The following ATG2A variants were observed in gnomAD, a reference collection of about 807,000 sequenced individuals.
The protein encoded by ATG2A is autophagy-related protein 2 homolog A.
A neutral mutation model predicts 214.2 loss-of-function variants in ATG2A; 103 were observed. That is an observed-to-expected ratio of 0.48 (90% CI 0.41 to 0.57). ATG2A has a LOEUF of 0.57. Among genes scored for constraint, ATG2A ranks in the 20% least tolerant of loss-of-function variants. ATG2A has a pLI of 0.00. For synonymous variants in ATG2A, 1,160 were observed against 1,142.1 expected (o/e 1.02, Z -0.32); for missense variants, 2,312 against 2,613.2 (o/e 0.88, Z 2.51).
Position 64,905,857 on chromosome 11 carries a change from G to A in ATG2A, c.3265-9C>T, listed in dbSNP as rs769714889. ...TCTAGGAACTCCAACAACTTCAGAGGCCAGGGCAGGAGGAAGCAGTGAGGA... is the reference window on the plus strand; with the variant it reads ...TCTAGGAACTCCAACAACTTCAGAGACCAGGGCAGGAGGAAGCAGTGAGGA... On this transcript the variant is annotated splice_polypyrimidine_tract_variant and intron_variant, in intron 22 of 40. Transcript: ENST00000377264. 1 of 1,611,918 alleles carries A rather than the reference G, an allele frequency of 6.2e-7. No individual in the cohort carries two copies. The highest frequency in any genetic ancestry group is 1.3e-5 in the African/African-American group (1 of 75,010).
intron 1 of ATG2A, among the ~76,000 whole-genome samples, chr11:64,916,028 A>G (rs2086557005): frequency 1.3e-5 from 2 of 152,268 alleles, no homozygotes; most frequent in African/African-American, 4.8e-5. Context: ...CCCTGAGTCC[A>G]GCCACAAAAC....
Position 64,912,009 on chromosome 11 carries a change from G to A in ATG2A, c.1088-27C>T, listed in dbSNP as rs769875448. 15 of 1,613,656 alleles carry A rather than the reference G, an allele frequency of 9.3e-6. No individual in the cohort carries two copies. The South Asian group carries it at 1.6e-4, about 18-fold the overall frequency. On this transcript the variant is annotated intron_variant, in intron 8 of 40. Coordinates refer to ENST00000377264, the MANE Select transcript of ATG2A (RefSeq NM_015104.3). Reference sequence around the variant, plus strand: ...TGTGGGTGAAGTGAGGAGTGTCAGGGACAGCCGACCCCAGCCCCTAGGCTG... The same window carrying A: ...TGTGGGTGAAGTGAGGAGTGTCAGGAACAGCCGACCCCAGCCCCTAGGCTG...
chr11:64,895,375 T>C lies in ATG2A; in HGVS notation c.5495A>G (p.Lys1832Arg), dbSNP rs1305188094. Reference protein sequence around the residue: ...AAPVSRSLQDKRSARRLRRGQ... With the variant: ...AAPVSRSLQDRRSARRLRRGQ... ...CCTGCGCAGCCTCCGCGCAGAGCGCTTATCCTGCAGGGAGCGGGAGACGGG... is the reference window on the plus strand; with the variant it reads ...CCTGCGCAGCCTCCGCGCAGAGCGCCTATCCTGCAGGGAGCGGGAGACGGG... The change falls in exon 40 of 41, where the codon AAG (lysine) becomes AGG (arginine). Residue 1832 changes from lysine to arginine, a missense_variant. Lys to Arg is a conservative substitution (Grantham distance 26). Transcript: ENST00000377264. This position sits in a 1 kb window ranked among gnomAD's most constrained non-coding sequence, Gnocchi z 5.0. 4 of 1,612,620 alleles carry C rather than the reference T, an allele frequency of 2.5e-6. No homozygotes were observed. Among genetic ancestry groups the C allele is most frequent in the East Asian group, 4.5e-5 (2 of 44,858 alleles).
At position 64,914,127 on chromosome 11, in the gene ATG2A, TG is replaced by T; in HGVS notation, c.440del (p.Pro147HisfsTer23). ...RDGLPEPSEP[P>X]QPLEGLEMFA... ...ACATCTCCAGCCCCTCCAGGGGCTGTGGTGGCTCAGAGGGCTCCGGTAGCCC... is the reference window on the plus strand; with the variant it reads ...ACATCTCCAGCCCCTCCAGGGGCTGTGTGGCTCAGAGGGCTCCGGTAGCCC... On this transcript the variant is annotated frameshift_variant, in exon 3 of 41. Coordinates refer to ENST00000377264, the MANE Select transcript of ATG2A (RefSeq NM_015104.3). LOFTEE classifies it high-confidence loss of function. The T allele has an allele frequency of 6.4e-7, 1 of 1,553,318 alleles. No homozygotes were observed. Among genetic ancestry groups the T allele is most frequent in the East Asian group, 2.4e-5 (1 of 41,182 alleles).
At chr11:64,912,489 C>A in intron 6 of ATG2A, 66 bp from the exon 7 acceptor site, 1 of 1,328,872 alleles carries the variant, frequency 7.5e-7, no homozygotes, top group Non-Finnish European at 1.0e-6. Flanking sequence ...AGCTACCACC[C>A]GCCTGCCCTC....
rs754908285 is a variant in ATG2A at position 64,903,257 on chromosome 11, C to T, written c.3612+31G>A. ...CCCTTGGCCCCTGCACCTGCTGTGG[C>T]TCCAGGAGCCAGAGTGACAGCCTCA... On this transcript the variant is annotated intron_variant, in intron 26 of 40. Coordinates refer to ENST00000377264, the MANE Select transcript of ATG2A (RefSeq NM_015104.3). The surrounding 1 kb of genome is among the most constrained non-coding windows in gnomAD (Gnocchi z 4.2). The T allele has an allele frequency of 6.2e-7, 1 of 1,607,374 alleles. No homozygotes were observed. Among genetic ancestry groups the T allele is most frequent in the African/African-American group, 1.3e-5 (1 of 74,912 alleles).
intron 9 of ATG2A, 138 bp from the exon 10 acceptor site, chr11:64,911,413 C>T: frequency 1.2e-6 from 1 of 857,658 alleles, no homozygotes; most frequent in Non-Finnish European, 1.8e-6. Context: ...CTTGGTCAGG[C>T]AGGGGTGACA....
At chr11:64,899,727 C>CA (rs2136550431) in intron 31 of ATG2A, among the ~76,000 whole-genome samples, 1 of 152,276 alleles carries the variant, frequency 6.6e-6, no homozygotes, top group South Asian at 2.1e-4. Flanking sequence ...TGCAGAGCCC[C>CA]ACCCCACAGA....
rs369082773 is a variant in ATG2A, at chr11:64,895,275, C to T, written c.5580+15G>A. 71 of 1,612,934 alleles carry T rather than the reference C, an allele frequency of 4.4e-5. No individual in the cohort carries two copies. The highest frequency in any genetic ancestry group is 5.4e-5 in the Non-Finnish European group (64 of 1,179,840). On this transcript the variant is annotated intron_variant, in intron 40 of 40. Transcript: ENST00000377264. This position sits in a 1 kb window ranked among gnomAD's most constrained non-coding sequence, Gnocchi z 5.0. ...ATGGGCATGGGGGACTGGGGCAGGG[C>T]GGGGGCCTGGTCACCTCTCGCACTG... is the stretch of plus-strand genomic sequence containing the variant.
Position 64,914,200 on chromosome 11 carries a change from G to A in ATG2A, c.368C>T (p.Ser123Leu). 1 of 1,554,252 alleles carries A rather than the reference G, an allele frequency of 6.4e-7. No homozygotes were observed. Among genetic ancestry groups the A allele is most frequent in the Non-Finnish European group, 8.7e-7 (1 of 1,148,864 alleles). The change falls in exon 3 of 41, where the codon TCA (serine) becomes TTA (leucine). Residue 123 changes from serine to leucine, a missense_variant. Ser to Leu is a moderately radical substitution (Grantham distance 145). Transcript: ENST00000377264. ...CAGCTGCAGGCTTGTGGTCATGCAT[G>A]AGGCCCAGCTCTGTGAGTCGGCAGC... ...PGAADSQSWA[S>L]CMTTSLQLAQ...
rs764753582 is a variant in ATG2A at position 64,903,666 on chromosome 11, G to A, written c.3465-6C>T. ...CGGAGTCATCGAGGATGAACCTGGG[G>A]GGGAACAGGGCTGAGAAGGGCCCGG... On this transcript the variant is annotated splice_region_variant and splice_polypyrimidine_tract_variant and intron_variant, in intron 24 of 40. Coordinates refer to ENST00000377264, the MANE Select transcript of ATG2A (RefSeq NM_015104.3). This position sits in a 1 kb window ranked among gnomAD's most constrained non-coding sequence, Gnocchi z 4.2. 2 of 1,549,296 alleles carry A rather than the reference G, an allele frequency of 1.3e-6. No homozygotes were observed. Among genetic ancestry groups the A allele is most frequent in the South Asian group, 1.2e-5 (1 of 84,020 alleles).
In ATG2A at chr11:64,914,072, C is replaced by G. The variant is rs202241734; in HGVS notation, c.487+9G>C. On this transcript the variant is annotated intron_variant, in intron 3 of 40. Transcript: ENST00000377264. ...CAGGAGACAGGGCGGCCAGGAGGGG[C>G]CTGCTCACCAGTCTCAATGGTCTGG... is the stretch of plus-strand genomic sequence containing the variant. The G allele has an allele frequency of 3.9e-6, 6 of 1,537,544 alleles. No homozygotes were observed. In the East Asian group the frequency reaches 1.5e-4, roughly 37 times the overall value.
Position 64,900,581 on chromosome 11 carries a change from A to G in ATG2A, c.4377T>C (p.Ser1459=). 6.2e-7 allele frequency: 1 copy of G among 1,613,124 alleles called. No individual in the cohort carries two copies. The highest frequency in any genetic ancestry group is 8.5e-7 in the Non-Finnish European group (1 of 1,179,836). The stretch of plus-strand genomic sequence containing the variant: ...ATGAGTTCTGGGGCCGGTTGGGGCC[A>G]GAGCAGCGGGAAGGGGAGCTCCTGG... ...SGPRSSPSRC[S]GPNRPQNSWR... Residue 1459 remains serine, a synonymous_variant, in exon 31 of 41, where the codon TCT becomes TCC. Coordinates refer to ENST00000377264, the MANE Select transcript of ATG2A (RefSeq NM_015104.3).
rs1349757532 is a variant in ATG2A, at chr11:64,903,833, G to A, written c.3465-173C>T. 6.6e-6 allele frequency among the ~76,000 whole-genome samples: 1 copy of A among 152,228 alleles called. No homozygotes were observed. The highest frequency in any genetic ancestry group is 6.5e-5 in the Admixed American group (1 of 15,286). ...GCCCAGACAGCAGGCAGTGGGAAGC[G>A]GGCAGCACTTGCAGCTCTCAAAGTG... On this transcript the variant is annotated intron_variant, in intron 24 of 40. Transcript: ENST00000377264. The surrounding 1 kb of genome is among the most constrained non-coding windows in gnomAD (Gnocchi z 4.2).
intron 27 of ATG2A, 23 bp downstream of exon 27, chr11:64,902,493 G>A (rs1456316726): frequency 2.1e-5 from 32 of 1,540,394 alleles, no homozygotes; most frequent in Non-Finnish European, 2.7e-5. Context: ...CTGGTAGCCT[G>A]TGTGGCCAGG....
chr11:64,912,981 G>C (rs11602651), intron 6 of ATG2A, 57 bp downstream of exon 6: 5 of 1,242,668 alleles, frequency 4.0e-6, no homozygotes, highest in Non-Finnish European at 5.6e-6. Flanking sequence ...GCCTTGCTGA[G>C]GAGGAGGAGT....
At position 64,914,157 on chromosome 11, in the gene ATG2A, C is replaced by G; in HGVS notation, c.411G>C (p.Arg137=). Reference sequence around the variant, plus strand: ...GCTCAGAGGGCTCCGGTAGCCCATCCCGCAGACACTCCTGGGCCAGCTGCA... The same window carrying G: ...GCTCAGAGGGCTCCGGTAGCCCATCGCGCAGACACTCCTGGGCCAGCTGCA... ...TSLQLAQECL[R]DGLPEPSEPP... is the part of the protein sequence containing the mutation. The change falls in exon 3 of 41, where the codon CGG becomes CGC. Residue 137 remains arginine (R), a synonymous_variant. Coordinates refer to ENST00000377264, the MANE Select transcript of ATG2A (RefSeq NM_015104.3). 1 of 1,552,818 alleles carries G rather than the reference C, an allele frequency of 6.4e-7. No homozygotes were observed. Among genetic ancestry groups the G allele is most frequent in the South Asian group, 1.2e-5 (1 of 84,194 alleles).
chr11:64,906,282 C>G, intron 21 of ATG2A, 52 bp downstream of exon 21: 1 of 1,607,842 alleles, frequency 6.2e-7, no homozygotes, highest in African/African-American at 1.3e-5. Flanking sequence ...CACCGCACAC[C>G]GGGGCTGCAG....
chr11:64,900,734 C>T (rs1944322838), intron 30 of ATG2A, 105 bp from the exon 31 acceptor site: 1 of 1,454,372 alleles, frequency 6.9e-7, no homozygotes, highest in South Asian at 1.4e-5. Context: ...TAGCCCCAGT[C>T]CTGGAAGGCA....
Sources: gnomAD v4.1 joint callset for allele counts (sites outside exome capture counted in the v4.1 genomes callset) on GRCh38, gnomAD v4.1.1 for gene constraint, Gnocchi (gnomAD v3.1) non-coding constraint, MANE v1.5 for transcripts, NCBI Gene and HGNC (gene_info 2026-07-23, HGNC 2026-07-21) for gene names.